The following NELL1 variants were observed in gnomAD, a reference collection of about 807,000 sequenced individuals.
NELL1 encodes the protein neural EGFL like 1.
A neutral mutation model predicts 107.4 loss-of-function variants in NELL1; 76 were observed. The ratio of observed to expected loss-of-function variants is 0.71; its 90% CI spans 0.59 to 0.86. NELL1 has a LOEUF of 0.86. NELL1 is among the 40% of genes least tolerant of loss of function. The pLI is 0.00. For synonymous variants in NELL1, 353 were observed against 341.2 expected (o/e 1.03, Z -0.38); for missense variants, 1,024 against 1,005.5 (o/e 1.02, Z -0.25).
chr11:21,405,247 G>T (rs1852207650), intron 15 of NELL1, among the ~76,000 whole-genome samples: 1 of 151,908 alleles, frequency 6.6e-6, no homozygotes, highest in Non-Finnish European at 1.5e-5. Flanking sequence ...CTTTGACACT[G>T]TGCATTTCAA....
At chr11:21,211,891 T>G (rs1472313333) in intron 13 of NELL1, among the ~76,000 whole-genome samples, 1 of 152,148 alleles carries the variant, frequency 6.6e-6, no homozygotes, top group African/African-American at 2.4e-5. Flanking sequence ...AGTGGTGTGA[T>G]CCCAGCTCAC....
At chr11:20,947,165 C>T (rs1457850527) in intron 10 of NELL1, among the ~76,000 whole-genome samples, 171 bp from the exon 11 acceptor site, 1 of 151,872 alleles carries the variant, frequency 6.6e-6, no homozygotes, top group Admixed American at 6.6e-5. Context: ...CCTTATATTC[C>T]AGGGGTCTCA....
chr11:21,334,087 A>C (rs1850331093), intron 14 of NELL1, among the ~76,000 whole-genome samples: 1 of 152,082 alleles, frequency 6.6e-6, no homozygotes. Flanking sequence ...TGTCTTAAGC[A>C]CTGTGTTTGG....
At chr11:21,234,204 A>C (rs550956898) in intron 14 of NELL1, among the ~76,000 whole-genome samples, 1 of 152,254 alleles carries the variant, frequency 6.6e-6, no homozygotes, top group South Asian at 2.1e-4. Flanking sequence ...AAATGCAAGC[A>C]TGGGCTCCTA....
intron 13 of NELL1, among the ~76,000 whole-genome samples, chr11:21,181,228 CA>C (rs1248546703): frequency 6.6e-6 from 1 of 151,804 alleles, no homozygotes; most frequent in African/African-American, 2.4e-5. Flanking sequence ...GGGGGAAAAG[CA>C]GATGAAATAT....
Position 21,148,754 on chromosome 11 carries a change from G to A in NELL1, c.1426+35040G>A, listed in dbSNP as rs192542162. On this transcript the variant is annotated intron_variant, in intron 13 of 19. Coordinates refer to ENST00000357134, the MANE Select transcript of NELL1 (RefSeq NM_006157.5). ...TTACTTGAGATATTTTCTTTCTGCC[G>A]AGAAATTGCCAAAATAGAAGACCTT... is the stretch of plus-strand genomic sequence containing the variant. 3.6e-3 allele frequency among the ~76,000 whole-genome samples: 545 copies of A among 152,278 alleles called. 4 individuals carry two copies. Among genetic ancestry groups the A allele is most frequent in the African/African-American group, 0.012 (512 of 41,554 alleles).
At chr11:20,897,361 T>G (rs1367725012) in intron 5 of NELL1, among the ~76,000 whole-genome samples, 1 of 152,222 alleles carries the variant, frequency 6.6e-6, no homozygotes, top group East Asian at 1.9e-4. Flanking sequence ...GCTAGCCATA[T>G]GTAGAAAGCT....
At chr11:20,863,818 A>G (rs1035365670) in intron 4 of NELL1, among the ~76,000 whole-genome samples, 14 of 152,336 alleles carry the variant, frequency 9.2e-5, no homozygotes, top group Middle Eastern at 3.4e-3. Context: ...CCTGGGCAAC[A>G]TTGAGCACTG....
At chr11:20,950,542 T>A (rs1046038152) in intron 11 of NELL1, among the ~76,000 whole-genome samples, 3 of 152,214 alleles carry the variant, frequency 2.0e-5, no homozygotes, top group African/African-American at 7.2e-5. Flanking sequence ...GTTGGACAAT[T>A]ACTATTCTGA....
Position 20,937,822 on chromosome 11 carries a change from G to T in NELL1, c.1034G>T (p.Gly345Val), listed in dbSNP as rs1266049620. 1 of 1,614,068 alleles carries T rather than the reference G, an allele frequency of 6.2e-7. No homozygotes were observed. The highest frequency in any genetic ancestry group is 1.1e-5 in the South Asian group (1 of 91,074). Residue 345 changes from glycine (G) to valine (V), a missense_variant, in exon 10 of 20, where the codon GGC becomes GTC. Gly to Val is a moderately radical substitution (Grantham distance 109). Coordinates refer to ENST00000357134, the MANE Select transcript of NELL1 (RefSeq NM_006157.5). ...CIYGGKVLAEGQRILTKSCRE... is the reference protein window; with the variant it reads ...CIYGGKVLAEVQRILTKSCRE... ...TATGGAGGAAAAGTTCTTGCAGAAG[G>T]CCAGCGGATTTTAACCAAGAGCTGT... is the stretch of plus-strand genomic sequence containing the variant.
chr11:21,014,269 C>T (rs1367683849), intron 12 of NELL1, among the ~76,000 whole-genome samples: 1 of 152,084 alleles, frequency 6.6e-6, no homozygotes, highest in African/African-American at 2.4e-5. Flanking sequence ...TGCATCAAGC[C>T]ATGTGCCCTG....
At chr11:20,871,860 A>C (rs1177249060) in intron 4 of NELL1, among the ~76,000 whole-genome samples, 2 of 151,644 alleles carry the variant, frequency 1.3e-5, no homozygotes, top group Non-Finnish European at 2.9e-5. Context: ...TCTACTAAAA[A>C]TACAAAAAGT....
chr11:21,117,421 A>G (rs898996502), intron 13 of NELL1, among the ~76,000 whole-genome samples: 9 of 152,020 alleles, frequency 5.9e-5, no homozygotes, highest in African/African-American at 1.2e-4. Flanking sequence ...GCAGTGCTCA[A>G]TAAACATTTG....
intron 12 of NELL1, among the ~76,000 whole-genome samples, chr11:20,974,689 C>A (rs1476740629): frequency 6.6e-6 from 1 of 152,100 alleles, no homozygotes; most frequent in South Asian, 2.1e-4. Flanking sequence ...TGTCAAAAAT[C>A]TTTAGTTAGC....
intron 15 of NELL1, among the ~76,000 whole-genome samples, chr11:21,532,288 C>T (rs1856010187): frequency 6.6e-6 from 1 of 152,172 alleles, no homozygotes; most frequent in African/African-American, 2.4e-5. Flanking sequence ...ATACAGATAA[C>T]TTCTGCCCTG....
rs1197642571 is a variant in NELL1 at position 20,690,207 on chromosome 11, G to A, written c.184+12147G>A. Among the ~76,000 whole-genome samples the A allele has an allele frequency of 8.1e-3, 1,240 of 152,184 alleles. 12 individuals carry two copies. The highest frequency in any genetic ancestry group is 0.028 in the African/African-American group (1,180 of 41,524). On this transcript the variant is annotated intron_variant, in intron 2 of 19. Transcript: ENST00000357134. ...GCCCTTTGTCAGATGAGTAGGTTGT[G>A]AAAATTTTCTCCCATTCTGTAGGTT...
At chr11:21,291,105 G>C (rs116802050) in intron 14 of NELL1, among the ~76,000 whole-genome samples, 3,015 of 152,228 alleles carry the variant, frequency 0.02, 114 homozygotes, top group African/African-American at 0.069. Flanking sequence ...AAAATGGCTA[G>C]AGGAATTGCT....
At chr11:21,061,787 A>G (rs1158120655) in intron 12 of NELL1, among the ~76,000 whole-genome samples, 2 of 152,150 alleles carry the variant, frequency 1.3e-5, no homozygotes, top group Non-Finnish European at 2.9e-5. Context: ...GGGAGCATTT[A>G]TGCTTCTTTC....
chr11:20,898,858 A>C (rs1267297059), intron 5 of NELL1, among the ~76,000 whole-genome samples: 2 of 152,044 alleles, frequency 1.3e-5, no homozygotes, highest in East Asian at 3.9e-4. Flanking sequence ...AAAACTAGGG[A>C]AGTCTCCTAG....
Sources: allele counts gnomAD v4.1 joint callset (sites outside exome capture counted in the v4.1 genomes callset), GRCh38; gene constraint gnomAD v4.1.1; transcripts MANE v1.5; gene names NCBI Gene and HGNC (gene_info 2026-07-23, HGNC 2026-07-21).